The following ALDH6A1 variants were observed in gnomAD, a reference collection of about 807,000 sequenced individuals.
ALDH6A1 encodes aldehyde dehydrogenase 6 family member A1.
A neutral mutation model predicts 62.6 loss-of-function variants in ALDH6A1; 43 were observed. The ratio of observed to expected loss-of-function variants is 0.69; its 90% CI spans 0.54 to 0.89. The LOEUF is 0.89. ALDH6A1 is among the 40% of genes least tolerant of loss of function. The pLI is 0.00. For missense variants in ALDH6A1, 551 were observed against 661.3 expected (o/e 0.83, Z 1.83); for synonymous variants, 194 against 234.2 (o/e 0.83, Z 1.57).
At position 74,074,433 on chromosome 14, in the gene ALDH6A1, C is replaced by T. The variant is rs1595129396; in HGVS notation, c.111+522G>A. Among the ~76,000 whole-genome samples, 7 of 151,806 alleles carry T rather than the reference C, an allele frequency of 4.6e-5. No individual in the cohort carries two copies. The South Asian group carries it at 8.3e-4, about 18-fold the overall frequency. On this transcript the variant is annotated intron_variant, in intron 2 of 11. Transcript: ENST00000553458. Reference sequence around the variant, plus strand: ...CGCAGAGTAGCTGGGACTACAGGTGCGTGCCACCATGCCCAGCTAAGTTTT... The same window carrying T: ...CGCAGAGTAGCTGGGACTACAGGTGTGTGCCACCATGCCCAGCTAAGTTTT...
chr14:74,080,237 G>A (rs1284294474), intron 1 of ALDH6A1, among the ~76,000 whole-genome samples: 1 of 151,948 alleles, frequency 6.6e-6, no homozygotes, highest in Non-Finnish European at 1.5e-5. Flanking sequence ...GTCTGTCCTA[G>A]AATTGTTTGA....
At chr14:74,062,111 G>A (rs2060358969) in intron 11 of ALDH6A1, among the ~76,000 whole-genome samples, 1 of 144,236 alleles carries the variant, frequency 6.9e-6, no homozygotes, top group Non-Finnish European at 1.5e-5. Context: ...AGGCAGAATT[G>A]CTTGAACCTG....
At chr14:74,083,381 G>A (rs1229709074) in intron 1 of ALDH6A1, among the ~76,000 whole-genome samples, 3 of 152,196 alleles carry the variant, frequency 2.0e-5, no homozygotes, top group African/African-American at 7.2e-5. Flanking sequence ...ACAGGGGAAA[G>A]ACTATAAACA....
rs145794069 is a variant in ALDH6A1, at chr14:74,058,125, A to G, written c.*2517T>C. 0.01 allele frequency: 1,570 copies of G among 156,616 alleles called. 32 individuals carry two copies. The highest frequency in any genetic ancestry group is 0.036 in the African/African-American group (1,501 of 41,602). 9.7% of individuals were successfully genotyped at this position (156,616 alleles called of 1,614,324 possible). A position where few individuals can be genotyped will look rare whatever the true frequency, so the allele number is the denominator to read the frequency against. ...GGCGGATCATTAGGTCAGGAGATTG[A>G]GACCATCCTGGCTAACATGGTGAAA... On this transcript the variant is annotated 3_prime_UTR_variant, in exon 12 of 12. Coordinates refer to ENST00000553458, the MANE Select transcript of ALDH6A1 (RefSeq NM_005589.4).
At chr14:74,063,636 C>G (rs1232889062) in intron 11 of ALDH6A1, among the ~76,000 whole-genome samples, 1 of 151,624 alleles carries the variant, frequency 6.6e-6, no homozygotes, top group Non-Finnish European at 1.5e-5. Context: ...GAGGCTGAGG[C>G]AGGCGGATCA....
chr14:74,061,317 T>TTA (rs1174778346), intron 11 of ALDH6A1, among the ~76,000 whole-genome samples: 11 of 151,292 alleles, frequency 7.3e-5, no homozygotes, highest in South Asian at 2.1e-4. Context: ...ATTTATTTAT[T>TTA]TTGAGACAGA....
intron 1 of ALDH6A1, among the ~76,000 whole-genome samples, chr14:74,075,799 TGTA>T (rs1222950971): frequency 6.6e-6 from 1 of 152,244 alleles, no homozygotes; most frequent in Non-Finnish European, 1.5e-5. Flanking sequence ...GAACTTTATT[TGTA>T]GTAGCCCAAA....
intron 2 of ALDH6A1, 113 bp from the exon 3 acceptor site, chr14:74,072,724 C>T (rs62005118): frequency 4.3e-5 from 52 of 1,199,734 alleles, no homozygotes; most frequent in Non-Finnish European, 5.6e-5. Context: ...AAGTTGATAA[C>T]GGAATCTTCT....
Position 74,061,124 on chromosome 14 carries a change from C to G in ALDH6A1, c.1504-378G>C, listed in dbSNP as rs377721904. Among the ~76,000 whole-genome samples, 23 of 148,464 alleles carry G rather than the reference C, an allele frequency of 1.5e-4. No homozygotes were observed. The East Asian group carries it at 2.5e-3, about 16-fold the overall frequency. On this transcript the variant is annotated intron_variant, in intron 11 of 11. Transcript: ENST00000553458. ...TCTCGAGTAGCTGGGATTACAGGCA[C>G]CTGCTACCACGCCTGGCTAATTTTT... is the stretch of plus-strand genomic sequence containing the variant.
At position 74,058,039 on chromosome 14, in the gene ALDH6A1, C is replaced by G; in HGVS notation, c.*2603G>C. ...AGTTGTTGGATTGGATTAAATATCA[C>G]TACCAGGGCCAGGTGCGGTGGTTCA... On this transcript the variant is annotated 3_prime_UTR_variant, in exon 12 of 12. Coordinates refer to ENST00000553458, the MANE Select transcript of ALDH6A1 (RefSeq NM_005589.4). 2.0e-6 allele frequency: 1 copy of G among 490,156 alleles called. No homozygotes were observed. Among genetic ancestry groups the G allele is most frequent in the Non-Finnish European group, 2.7e-6 (1 of 376,936 alleles). 30.4% of individuals were successfully genotyped at this position (490,156 alleles called of 1,614,324 possible).
At position 74,057,067 on chromosome 14, in the gene ALDH6A1, T is replaced by A; in HGVS notation, c.*3575A>T. 1.9e-6 allele frequency: 3 copies of A among 1,594,036 alleles called. No homozygotes were observed. Among genetic ancestry groups the A allele is most frequent in the Non-Finnish European group, 2.6e-6 (3 of 1,166,150 alleles). On this transcript the variant is annotated 3_prime_UTR_variant, in exon 12 of 12. Transcript: ENST00000553458. ...TTGAATGTGCTAATTGAAAGTAATATGACAAGTCTGTTATTCTAAACCAGG... is the reference window on the plus strand; with the variant it reads ...TTGAATGTGCTAATTGAAAGTAATAAGACAAGTCTGTTATTCTAAACCAGG...
chr14:74,064,573 G>A, intron 11 of ALDH6A1: 1 of 910,586 alleles, frequency 1.1e-6, no homozygotes, highest in Non-Finnish European at 1.8e-6. Flanking sequence ...CTCAGGAAAT[G>A]GCATATACAA....
chr14:74,062,768 C>G (rs2060375411), intron 11 of ALDH6A1, among the ~76,000 whole-genome samples: 1 of 152,040 alleles, frequency 6.6e-6, no homozygotes, highest in African/African-American at 2.4e-5. Context: ...AATAAAAAAG[C>G]CCCACATCCC....
At chr14:74,067,708 G>A in intron 7 of ALDH6A1, 139 bp from the exon 8 acceptor site, 1 of 906,480 alleles carries the variant, frequency 1.1e-6, no homozygotes, top group Non-Finnish European at 1.8e-6. Context: ...AGGATAACTT[G>A]AGGTCAGGAG....
At position 74,059,433 on chromosome 14, in the gene ALDH6A1, T is replaced by C. The variant is rs1455492352; in HGVS notation, c.*1209A>G. 3 of 453,876 alleles carry C rather than the reference T, an allele frequency of 6.6e-6. No individual in the cohort carries two copies. Among genetic ancestry groups the C allele is most frequent in the Non-Finnish European group, 1.3e-5 (3 of 225,888 alleles). The allele number at this position is 453,876 out of a possible 1,614,324, so 28.1% of individuals were successfully genotyped here. A position where few individuals can be genotyped will look rare whatever the true frequency, so the allele number is the denominator to read the frequency against. On this transcript the variant is annotated 3_prime_UTR_variant, in exon 12 of 12. Transcript: ENST00000553458. ...GCATCTGGCTGGGTGTGGTGGCTCA[T>C]GCCTGTAATCCCAGCACTTTGGGAG...
chr14:74,057,133 C>A lies in ALDH6A1; in HGVS notation c.*3509G>T. 6.2e-7 allele frequency: 1 copy of A among 1,606,488 alleles called. No homozygotes were observed. Among genetic ancestry groups the A allele is most frequent in the South Asian group, 1.1e-5 (1 of 90,508 alleles). On this transcript the variant is annotated 3_prime_UTR_variant, in exon 12 of 12. Coordinates refer to ENST00000553458, the MANE Select transcript of ALDH6A1 (RefSeq NM_005589.4). ...GTTGTTGACGGTTCTGTTATTTTGT[C>A]ATTATTGCAGGGATGAAAGTAAGCT...
chr14:74,074,615 T>C (rs12587903), intron 2 of ALDH6A1, among the ~76,000 whole-genome samples: 25,341 of 152,040 alleles, frequency 0.17, 2,609 homozygotes, highest in East Asian at 0.57. Flanking sequence ...TGGTACAGTG[T>C]GTGCATACTT....
intron 1 of ALDH6A1, among the ~76,000 whole-genome samples, chr14:74,075,757 C>T (rs2060606381): frequency 1.3e-5 from 2 of 151,776 alleles, no homozygotes; most frequent in Non-Finnish European, 2.9e-5. Context: ...AAATTATGTC[C>T]ATATAGGTAT....
At chr14:74,077,805 A>G (rs552410656) in intron 1 of ALDH6A1, among the ~76,000 whole-genome samples, 2 of 152,362 alleles carry the variant, frequency 1.3e-5, no homozygotes, top group South Asian at 4.1e-4. Flanking sequence ...TCTGTTACCC[A>G]TAAAGACTGT....
Sources: gnomAD v4.1 joint callset for allele counts (sites outside exome capture counted in the v4.1 genomes callset) on GRCh38, gnomAD v4.1.1 for gene constraint, MANE v1.5 for transcripts, NCBI Gene and HGNC (gene_info 2026-07-23, HGNC 2026-07-21) for gene names.